GAL3ST2: variants seen among roughly 807,000 people sequenced by gnomAD.
The protein encoded by GAL3ST2 is beta-galactose-3-O-sulfotransferase 2.
A neutral mutation model predicts 12.9 loss-of-function variants in GAL3ST2; 16 were observed. The ratio of observed to expected loss-of-function variants is 1.24; its 90% confidence interval spans 0.84 to 1.88. The LOEUF (loss-of-function observed/expected upper bound fraction) is 1.88, where lower values mean the gene tolerates loss of function less well. Ranked by LOEUF, GAL3ST2 falls within the 40% of genes most tolerant of loss-of-function variation. The probability of loss-of-function intolerance (pLI) is 0.00; values close to 1 mark genes in which losing one functional copy is unlikely to be tolerated. For synonymous variants in GAL3ST2, 302 were observed against 273.9 expected, an observed-to-expected ratio of 1.10 and a Z score of -1.01; for missense variants, 639 against 571.8, an observed-to-expected ratio of 1.12 and a Z score of -1.20.
chr2:241,787,692 A>G (rs1699645546), intron 1 of GAL3ST2, among the ~76,000 whole-genome samples: 1 of 152,102 alleles, frequency 6.6e-6, no homozygotes, highest in Non-Finnish European at 1.5e-5. Context: ...CTAGGATGGT[A>G]GAGAGCTGTT....
At chr2:241,785,293 T>C (rs1441320991) in intron 1 of GAL3ST2, among the ~76,000 whole-genome samples, 1 of 152,190 alleles carries the variant, frequency 6.6e-6, no homozygotes, top group Non-Finnish European at 1.5e-5. Flanking sequence ...GGCTCACGCC[T>C]GTAATCCCTG....
At position 241,801,141 on chromosome 2, in the gene GAL3ST2, T is replaced by A. The variant is rs1364325019; in HGVS notation, c.120-640T>A. ...ACCCCATCCCCGACAGGCCCTGGGATGCGCTGTTCCCCTCTCTGTGTCCAC... is the reference window on the plus strand; with the variant it reads ...ACCCCATCCCCGACAGGCCCTGGGAAGCGCTGTTCCCCTCTCTGTGTCCAC... On this transcript the variant is annotated intron_variant, in intron 2 of 3. Transcript: ENST00000192314. This position sits in a 1 kb window ranked among gnomAD's most constrained non-coding sequence, Gnocchi z 4.4. 1 of 152,494 alleles carries A rather than the reference T, an allele frequency of 6.6e-6. No homozygotes were observed. Among genetic ancestry groups the A allele is most frequent in the Non-Finnish European group, 1.5e-5 (1 of 68,340 alleles). 9.4% of individuals were successfully genotyped at this position (152,494 alleles called of 1,614,324 possible).
rs546555320 is a variant in GAL3ST2, at chr2:241,803,240, G to C, written c.376-105G>C. 1.7e-3 allele frequency: 1,485 copies of C among 889,274 alleles called. 22 individuals carry two copies. In the African/African-American group the frequency reaches 0.021, roughly 13 times the overall value. 55.1% of individuals were successfully genotyped at this position (889,274 alleles called of 1,614,324 possible). ...AGGTTCCTCGGCAGATGTGAGGATG[G>C]GGGTGCTCCTTGAGCGGGTGTGGCC... is the stretch of plus-strand genomic sequence containing the variant. On this transcript the variant is annotated intron_variant, in intron 3 of 3. Coordinates refer to ENST00000192314, the MANE Select transcript of GAL3ST2 (RefSeq NM_022134.3).
rs1176291283 is a variant in GAL3ST2 at position 241,799,163 on chromosome 2, T to C, written c.119+9T>C. 1.2e-6 allele frequency: 2 copies of C among 1,611,948 alleles called. No individual in the cohort carries two copies. Among genetic ancestry groups the C allele is most frequent in the Non-Finnish European group, 1.7e-6 (2 of 1,178,406 alleles). ...TTAGAGCTGGACACACCGTAAGTCC[T>C]GCCCCCACCATAAGTCCTGCCCCGG... On this transcript the variant is annotated intron_variant, in intron 2 of 3. Coordinates refer to ENST00000192314, the MANE Select transcript of GAL3ST2 (RefSeq NM_022134.3).
At position 241,800,040 on chromosome 2, in the gene GAL3ST2, G is replaced by A. The variant is rs181257938; in HGVS notation, c.119+886G>A. On this transcript the variant is annotated intron_variant, in intron 2 of 3. Transcript: ENST00000192314. The surrounding 1 kb of genome is among the most constrained non-coding windows in gnomAD (Gnocchi z 5.2). ...GCTGAGGTCACAAAGCCAGCTGCAT[G>A]TGCGTGCCTGGGCACCAGGGAGAAG... 1.3e-5 allele frequency among the ~76,000 whole-genome samples: 2 copies of A among 152,362 alleles called. No individual in the cohort carries two copies. The highest frequency in any genetic ancestry group is 2.4e-5 in the African/African-American group (1 of 41,584).
At chr2:241,781,776 T>C (rs963271766) in intron 1 of GAL3ST2, among the ~76,000 whole-genome samples, 14 of 152,246 alleles carry the variant, frequency 9.2e-5, no homozygotes, top group African/African-American at 2.9e-4. Flanking sequence ...TTTTGGACTT[T>C]AGCAAACCTA....
intron 1 of GAL3ST2, among the ~76,000 whole-genome samples, chr2:241,792,262 T>C (rs1231962593): frequency 6.6e-6 from 1 of 152,044 alleles, no homozygotes; most frequent in Non-Finnish European, 1.5e-5. Flanking sequence ...ACTCCTGAAC[T>C]CAGGTGATCC....
At position 241,800,579 on chromosome 2, in the gene GAL3ST2, G is replaced by C. The variant is rs542272306; in HGVS notation, c.120-1202G>C. 6.6e-6 allele frequency among the ~76,000 whole-genome samples: 1 copy of C among 152,212 alleles called. No homozygotes were observed. The highest frequency in any genetic ancestry group is 2.4e-5 in the African/African-American group (1 of 41,450). On this transcript the variant is annotated intron_variant, in intron 2 of 3. Coordinates refer to ENST00000192314, the MANE Select transcript of GAL3ST2 (RefSeq NM_022134.3). The surrounding 1 kb of genome is among the most constrained non-coding windows in gnomAD (Gnocchi z 5.2). ...GCCCTGCACGTCAGAAGGTGGAGCC[G>C]GGACGGGAAGCACTCGGTGCGCAGC...
intron 1 of GAL3ST2, among the ~76,000 whole-genome samples, chr2:241,785,338 G>A (rs953192531): frequency 2.0e-5 from 3 of 152,122 alleles, no homozygotes; most frequent in African/African-American, 7.2e-5. Flanking sequence ...GATCACCTGA[G>A]GTTAGGAGTT....
chr2:241,803,453 C>T lies in GAL3ST2; in HGVS notation c.484C>T (p.Arg162Trp). ...IYYKTYAPAF[R>W]GAPSLDAFLA... ...CTACAAAACCTACGCCCCCGCCTTC[C>T]GGGGCGCCCCGAGCCTGGACGCGTT... is the stretch of plus-strand genomic sequence containing the variant. Residue 162 changes from arginine (R) to tryptophan (W), a missense_variant, in exon 4 of 4, where the codon CGG becomes TGG. By Grantham distance (101) the Arg-to-Trp change is moderately radical. Coordinates refer to ENST00000192314, the MANE Select transcript of GAL3ST2 (RefSeq NM_022134.3). 6.2e-7 allele frequency: 1 copy of T among 1,611,754 alleles called. No homozygotes were observed. The highest frequency in any genetic ancestry group is 1.1e-5 in the South Asian group (1 of 90,792).
Position 241,793,508 on chromosome 2 carries a change from G to A in GAL3ST2, c.30-5557G>A, listed in dbSNP as rs916362985. On this transcript the variant is annotated intron_variant, in intron 1 of 3. Coordinates refer to ENST00000192314, the MANE Select transcript of GAL3ST2 (RefSeq NM_022134.3). The surrounding 1 kb of genome is among the most constrained non-coding windows in gnomAD (Gnocchi z 4.7). ...ATATGTACATATTGTGTATGTGTGT[G>A]TATATGTATGTGTGTATTGTGTTTA... Among the ~76,000 whole-genome samples the A allele has an allele frequency of 6.6e-6, 1 of 151,252 alleles. No individual in the cohort carries two copies. Among genetic ancestry groups the A allele is most frequent in the Non-Finnish European group, 1.5e-5 (1 of 67,956 alleles).
rs780849455 is a variant in GAL3ST2, at chr2:241,795,132, C to T, written c.30-3933C>T. Among the ~76,000 whole-genome samples the T allele has an allele frequency of 5.9e-5, 9 of 152,056 alleles. No homozygotes were observed. The highest frequency in any genetic ancestry group is 1.2e-4 in the African/African-American group (5 of 41,412). ...AACACATCACCCATTTACTGCCCCACGGTGCTCTGGGTCGGTCACGGGCAC... is the reference window on the plus strand; with the variant it reads ...AACACATCACCCATTTACTGCCCCATGGTGCTCTGGGTCGGTCACGGGCAC... On this transcript the variant is annotated intron_variant, in intron 1 of 3. Coordinates refer to ENST00000192314, the MANE Select transcript of GAL3ST2 (RefSeq NM_022134.3). The surrounding 1 kb of genome is among the most constrained non-coding windows in gnomAD (Gnocchi z 4.5).
intron 1 of GAL3ST2, among the ~76,000 whole-genome samples, chr2:241,784,826 C>T (rs770116253): frequency 2.6e-5 from 4 of 152,118 alleles, no homozygotes; most frequent in Non-Finnish European, 5.9e-5. Context: ...GTTAGCTAGT[C>T]TTAAATTTGC....
intron 1 of GAL3ST2, among the ~76,000 whole-genome samples, chr2:241,785,126 T>TA (rs1699612986): frequency 1.9e-5 from 2 of 107,682 alleles, no homozygotes; most frequent in South Asian, 5.1e-4. Context: ...ACAGTGCACT[T>TA]AATTTTTTTT....
At chr2:241,781,425 G>A (rs1483208413) in intron 1 of GAL3ST2, among the ~76,000 whole-genome samples, 1 of 151,990 alleles carries the variant, frequency 6.6e-6, no homozygotes, top group African/African-American at 2.4e-5. Context: ...AAGAACACCT[G>A]TTAGAGTTCT....
At chr2:241,778,517 G>A (rs894024503) in intron 1 of GAL3ST2, among the ~76,000 whole-genome samples, 4 of 152,232 alleles carry the variant, frequency 2.6e-5, no homozygotes, top group Non-Finnish European at 4.4e-5. Context: ...CCTGGGGTGT[G>A]GCCAGGTATC....
chr2:241,802,027 C>T lies in GAL3ST2; in HGVS notation c.366C>T (p.Asn122=), dbSNP rs1699857842. The T allele has an allele frequency of 6.2e-7, 1 of 1,610,930 alleles. No individual in the cohort carries two copies. The highest frequency in any genetic ancestry group is 8.5e-7 in the Non-Finnish European group (1 of 1,179,042). The change falls in exon 3 of 4, where the codon AAC becomes AAT. Residue 122 remains asparagine (N), a synonymous_variant. Transcript: ENST00000192314. The surrounding 1 kb of genome is among the most constrained non-coding windows in gnomAD (Gnocchi z 4.8). ...TCATGTGCAACCACCTGAGGTTCAA[C>T]CTGCCTCAGGTACCGCGGGCCTGCT... The part of the protein sequence containing the change: ...FNIMCNHLRF[N]LPQVQKVMPN...
chr2:241,785,552 C>CAA (rs80247515), intron 1 of GAL3ST2, among the ~76,000 whole-genome samples: 7 of 72,808 alleles, frequency 9.6e-5, no homozygotes, highest in Admixed American at 1.3e-4. Flanking sequence ...AACTCCGTCT[C>CAA]AAAAAAAAAA....
chr2:241,796,327 C>T (rs141687849), intron 1 of GAL3ST2, among the ~76,000 whole-genome samples: 1 of 152,204 alleles, frequency 6.6e-6, no homozygotes, highest in East Asian at 1.9e-4. Flanking sequence ...CCACTTCCTA[C>T]CAGCGGGACC....
Sources: gnomAD v4.1 joint callset for allele counts (sites outside exome capture counted in the v4.1 genomes callset) on GRCh38, gnomAD v4.1.1 for gene constraint, Gnocchi (gnomAD v3.1) non-coding constraint, MANE v1.5 for transcripts, NCBI Gene and HGNC (gene_info 2026-07-23, HGNC 2026-07-21) for gene names.